Variants in ST13 observed in about 807,000 individuals in gnomAD.
ST13 encodes the protein hsc70-interacting protein.
A neutral mutation model predicts 56.7 loss-of-function variants in ST13; 23 were observed. The observed-to-expected ratio is 0.41, with a 90% CI of 0.29 to 0.57. The LOEUF (loss-of-function observed/expected upper bound fraction) is 0.57, where lower values mean the gene tolerates loss of function less well. ST13 is among the 20% of genes least tolerant of loss of function. The pLI, the probability that ST13 is intolerant of heterozygous loss-of-function variation, is 0.36. For missense variants in ST13, 369 were observed against 459.9 expected, an observed-to-expected ratio of 0.80 and a Z score of 1.81; for synonymous variants, 132 against 142.4, an observed-to-expected ratio of 0.93 and a Z score of 0.52.
At chr22:40,855,004 T>TA (rs1467010678) in intron 1 of ST13, among the ~76,000 whole-genome samples, 1 of 152,168 alleles carries the variant, frequency 6.6e-6, no homozygotes, top group African/African-American at 2.4e-5. Flanking sequence ...TTCCAGTAGT[T>TA]AGACAATTGG....
intron 11 of ST13, 41 bp from the exon 12 acceptor site, chr22:40,826,707 C>T (rs1177771052): frequency 4.4e-6 from 7 of 1,602,052 alleles, no homozygotes; most frequent in South Asian, 1.1e-5. Context: ...AAGTGTCCTA[C>T]TGGGTCAGTA....
intron 5 of ST13, among the ~76,000 whole-genome samples, chr22:40,839,385 G>C (rs2057792078): frequency 2.0e-5 from 3 of 152,134 alleles, no homozygotes; most frequent in Non-Finnish European, 2.9e-5. Context: ...CTGTTATAAA[G>C]AGTGAAATAT....
Position 40,826,263 on chromosome 22 carries a change from G to C in ST13, c.*275C>G, listed in dbSNP as rs12373982. ...TAAAGAAAAATATAAGAATTAACAGGCCCTTTAAATTTGTTTTAAATATTT... is the reference window on the plus strand; with the variant it reads ...TAAAGAAAAATATAAGAATTAACAGCCCCTTTAAATTTGTTTTAAATATTT... On this transcript the variant is annotated 3_prime_UTR_variant, in exon 12 of 12. Coordinates refer to ENST00000216218, the MANE Select transcript of ST13 (RefSeq NM_003932.5). 1 of 238,346 alleles carries C rather than the reference G, an allele frequency of 4.2e-6. No homozygotes were observed. Among genetic ancestry groups the C allele is most frequent in the Non-Finnish European group, 8.1e-6 (1 of 124,194 alleles). 14.8% of individuals were successfully genotyped at this position (238,346 alleles called of 1,614,324 possible).
At chr22:40,835,064 C>G (rs538973687) in intron 7 of ST13, among the ~76,000 whole-genome samples, 1 of 152,130 alleles carries the variant, frequency 6.6e-6, no homozygotes, top group Admixed American at 6.5e-5. Context: ...CCTCTTTATG[C>G]CCCCCCGCCT....
At chr22:40,847,830 C>CCT (rs915611344) in intron 3 of ST13, among the ~76,000 whole-genome samples, 97 of 151,972 alleles carry the variant, frequency 6.4e-4, no homozygotes, top group African/African-American at 2.3e-3. Context: ...GGGTGGATCA[C>CCT]GAGGTCAGGA....
intron 1 of ST13, among the ~76,000 whole-genome samples, chr22:40,852,743 AATG>A (rs1395826766): frequency 6.6e-6 from 1 of 152,206 alleles, no homozygotes. Flanking sequence ...AAAATGATTT[AATG>A]ATAAGGAACA....
chr22:40,827,323 G>T, intron 10 of ST13, 94 bp from the exon 11 acceptor site: 1 of 1,322,900 alleles, frequency 7.6e-7, no homozygotes, highest in Non-Finnish European at 1.1e-6. Flanking sequence ...GAATATGGGT[G>T]CCACTAAGCA....
intron 1 of ST13, among the ~76,000 whole-genome samples, chr22:40,853,357 C>A (rs1261021253): frequency 1.3e-5 from 2 of 151,668 alleles, no homozygotes; most frequent in Non-Finnish European, 2.9e-5. Context: ...AAAATAAAAA[C>A]TTTAAAAAAA....
rs1196818592 is a variant in ST13, at chr22:40,825,022, C to T, written c.*1516G>A. ...AAGCAAAGTACAGAAGGCCTTATCCCTTGAAAATGTTTTTAAACACTAGCA... is the reference window on the plus strand; with the variant it reads ...AAGCAAAGTACAGAAGGCCTTATCCTTTGAAAATGTTTTTAAACACTAGCA... On this transcript the variant is annotated 3_prime_UTR_variant, in exon 12 of 12. Coordinates refer to ENST00000216218, the MANE Select transcript of ST13 (RefSeq NM_003932.5). 1.3e-5 allele frequency: 2 copies of T among 152,124 alleles called. No homozygotes were observed. The highest frequency in any genetic ancestry group is 4.8e-5 in the African/African-American group (2 of 41,420). 9.4% of individuals were successfully genotyped at this position (152,124 alleles called of 1,614,324 possible).
intron 10 of ST13, among the ~76,000 whole-genome samples, chr22:40,828,582 C>T (rs1285722131): frequency 6.6e-6 from 1 of 151,676 alleles, no homozygotes; most frequent in Non-Finnish European, 1.5e-5. Flanking sequence ...CACTGCACTC[C>T]AGCCTGGGCG....
intron 2 of ST13, among the ~76,000 whole-genome samples, chr22:40,849,534 A>G (rs1440873609): frequency 1.3e-5 from 2 of 151,870 alleles, no homozygotes; most frequent in Non-Finnish European, 2.9e-5. Flanking sequence ...TTGTCACAAA[A>G]TATTTGTTGA....
intron 10 of ST13, among the ~76,000 whole-genome samples, chr22:40,829,142 G>C (rs1318632257): frequency 6.6e-6 from 1 of 152,156 alleles, no homozygotes; most frequent in Non-Finnish European, 1.5e-5. Context: ...TCTAGCATCG[G>C]ATCATGCAAC....
chr22:40,844,425 T>C (rs1008507380), intron 4 of ST13, among the ~76,000 whole-genome samples: 2 of 152,150 alleles, frequency 1.3e-5, no homozygotes, highest in Non-Finnish European at 2.9e-5. Context: ...CTATGAGTCT[T>C]TGGAGGACCA....
intron 5 of ST13, 51 bp downstream of exon 5, chr22:40,840,575 C>T: frequency 6.7e-7 from 1 of 1,501,650 alleles, no homozygotes; most frequent in South Asian, 1.1e-5. Flanking sequence ...ATTTAAGTTA[C>T]TGCAATAAAT....
rs543183937 is a variant in ST13, at chr22:40,835,468, AG to A, written c.578+91del. Reference sequence around the variant, plus strand: ...ACACTAATTTGAAAATTAAGTCATTAGGAACTTTTGTGTTTTTGTTTAAACA... The same window carrying A: ...ACACTAATTTGAAAATTAAGTCATTAGAACTTTTGTGTTTTTGTTTAAACA... On this transcript the variant is annotated intron_variant, in intron 7 of 11. Coordinates refer to ENST00000216218, the MANE Select transcript of ST13 (RefSeq NM_003932.5). 231 of 1,091,130 alleles carry A rather than the reference AG, an allele frequency of 2.1e-4. 1 individual carries two copies. In the African/African-American group the frequency reaches 3.4e-3, roughly 16 times the overall value. 67.6% of individuals were successfully genotyped at this position (1,091,130 alleles called of 1,614,324 possible).
chr22:40,834,076 A>T (rs891505432), intron 7 of ST13, among the ~76,000 whole-genome samples: 2 of 152,148 alleles, frequency 1.3e-5, no homozygotes, highest in Non-Finnish European at 2.9e-5. Flanking sequence ...CAGGAGTTTG[A>T]GAATAGCCTG....
chr22:40,842,105 C>T (rs1339618276), intron 4 of ST13, among the ~76,000 whole-genome samples: 1 of 152,164 alleles, frequency 6.6e-6, no homozygotes, highest in Non-Finnish European at 1.5e-5. Flanking sequence ...AGAGCCACAG[C>T]CAGCCTTTCA....
chr22:40,831,797 CT>C (rs2057755063), intron 8 of ST13, among the ~76,000 whole-genome samples: 1 of 152,116 alleles, frequency 6.6e-6, no homozygotes, highest in South Asian at 2.1e-4. Flanking sequence ...AAAAATCATC[CT>C]TAAAAGCTGG....
chr22:40,832,952 T>C (rs1164496010), intron 7 of ST13, among the ~76,000 whole-genome samples: 1 of 152,256 alleles, frequency 6.6e-6, no homozygotes, highest in Non-Finnish European at 1.5e-5. Flanking sequence ...TTTCTAAGTA[T>C]GTAGACCAGT....
Sources: gnomAD v4.1 joint callset for allele counts (sites outside exome capture counted in the v4.1 genomes callset) on GRCh38, gnomAD v4.1.1 for gene constraint, MANE v1.5 for transcripts, NCBI Gene and HGNC (gene_info 2026-07-23, HGNC 2026-07-21) for gene names.